Variants in IGF2BP2 observed in about 807,000 individuals in gnomAD.
IGF2BP2 encodes insulin-like growth factor 2 mRNA-binding protein 2.
In IGF2BP2, 17 loss-of-function variants were observed where a neutral mutation model predicts 75.8. The ratio of observed to expected loss-of-function variants is 0.22; its 90% confidence interval spans 0.15 to 0.34. The LOEUF is 0.34. Ranked by LOEUF, IGF2BP2 falls within the 10% of genes least tolerant of loss-of-function variation. The pLI is 1.00. For synonymous variants in IGF2BP2, 288 were observed against 295.6 expected, an observed-to-expected ratio of 0.97 and a Z score of 0.26; for missense variants, 516 against 772.4, an observed-to-expected ratio of 0.67 and a Z score of 3.93.
At chr3:185,797,897 TAAA>T (rs35850351) in intron 2 of IGF2BP2, among the ~76,000 whole-genome samples, 14 of 90,332 alleles carry the variant, frequency 1.5e-4, no homozygotes, top group African/African-American at 1.9e-4. Context: ...CCCTGTCTCT[TAAA>T]AAAAAAAAAA....
chr3:185,754,941 A>G (rs1363981955), intron 2 of IGF2BP2, among the ~76,000 whole-genome samples: 1 of 152,184 alleles, frequency 6.6e-6, no homozygotes, highest in Non-Finnish European at 1.5e-5. Context: ...TTTAAAAGGG[A>G]AGCACAGTAT....
At chr3:185,650,375 G>A (rs113540819) in intron 13 of IGF2BP2, among the ~76,000 whole-genome samples, 2 of 151,012 alleles carry the variant, frequency 1.3e-5, no homozygotes, top group East Asian at 1.9e-4. Context: ...GAGAGTCACC[G>A]TTTTAAAGTA....
chr3:185,752,967 T>A (rs1172439684), intron 2 of IGF2BP2, among the ~76,000 whole-genome samples: 5 of 152,206 alleles, frequency 3.3e-5, no homozygotes, highest in African/African-American at 1.2e-4. Flanking sequence ...TATGTTTTCA[T>A]TCACAACAGA....
At chr3:185,702,381 C>T (rs967584916) in intron 2 of IGF2BP2, among the ~76,000 whole-genome samples, 1 of 152,100 alleles carries the variant, frequency 6.6e-6, no homozygotes, top group Non-Finnish European at 1.5e-5. Flanking sequence ...GTATCTGGCT[C>T]AGTCTCAAAT....
intron 4 of IGF2BP2, chr3:185,693,134 G>A (rs1722171776): frequency 5.9e-6 from 1 of 169,912 alleles, no homozygotes; most frequent in Non-Finnish European, 1.3e-5. Context: ...TAAGTAGGCT[G>A]TTCCCACTAT....
rs918348936 is a variant in IGF2BP2 at position 185,647,843 on chromosome 3, T to A, written c.1594-705A>T. Among the ~76,000 whole-genome samples, 4 of 152,234 alleles carry A rather than the reference T, an allele frequency of 2.6e-5. No homozygotes were observed. The highest frequency in any genetic ancestry group is 9.6e-5 in the African/African-American group (4 of 41,460). ...CCCGTCCTCTGGCCCTCTGGCCTGA[T>A]GCCGAGCTCACAGGCGGGTTCAGCA... On this transcript the variant is annotated intron_variant, in intron 14 of 15. Transcript: ENST00000382199. The surrounding 1 kb of genome is among the most constrained non-coding windows in gnomAD (Gnocchi z 4.9).
At chr3:185,723,651 G>A (rs1050309661) in intron 2 of IGF2BP2, among the ~76,000 whole-genome samples, 5 of 152,184 alleles carry the variant, frequency 3.3e-5, no homozygotes, top group East Asian at 1.9e-4. Context: ...CTGAACAGGC[G>A]CTGAGAGCTC....
intron 2 of IGF2BP2, among the ~76,000 whole-genome samples, chr3:185,732,869 A>G (rs1728373877): frequency 6.6e-6 from 1 of 152,176 alleles, no homozygotes; most frequent in Non-Finnish European, 1.5e-5. Flanking sequence ...CACAGATAAT[A>G]CCATGTGTAT....
At chr3:185,724,463 T>C (rs1578108955) in intron 2 of IGF2BP2, 2 of 152,374 alleles carry the variant, frequency 1.3e-5, no homozygotes, top group Admixed American at 1.3e-4. Flanking sequence ...GGAGACGATA[T>C]AGCCCAGAAG....
At chr3:185,648,463 C>CAAA (rs560603469) in intron 14 of IGF2BP2, among the ~76,000 whole-genome samples, 1 of 51,346 alleles carries the variant, frequency 1.9e-5, no homozygotes, top group Non-Finnish European at 4.1e-5. Flanking sequence ...AACTCTGTCT[C>CAAA]AAAAAAAAAA....
chr3:185,733,364 A>G (rs1363716872), intron 2 of IGF2BP2, among the ~76,000 whole-genome samples: 1 of 152,230 alleles, frequency 6.6e-6, no homozygotes, highest in East Asian at 1.9e-4. Context: ...CCCACTCATC[A>G]TCATTTACTG....
At chr3:185,744,195 T>C (rs1020552807) in intron 2 of IGF2BP2, among the ~76,000 whole-genome samples, 27 of 152,222 alleles carry the variant, frequency 1.8e-4, no homozygotes, top group African/African-American at 6.5e-4. Context: ...ATTTTATTCC[T>C]ACCATAGCCA....
chr3:185,797,897 TA>T (rs35850351), intron 2 of IGF2BP2, among the ~76,000 whole-genome samples: 23,379 of 90,284 alleles, frequency 0.26, 2,515 homozygotes, highest in African/African-American at 0.33. Flanking sequence ...CCCTGTCTCT[TA>T]AAAAAAAAAA....
chr3:185,745,475 A>C (rs762884469), intron 2 of IGF2BP2, among the ~76,000 whole-genome samples: 67 of 152,308 alleles, frequency 4.4e-4, no homozygotes, highest in Non-Finnish European at 3.2e-4. Flanking sequence ...TGGCTGACAC[A>C]GAGCAAGGTG....
At chr3:185,713,503 C>T (rs774109169) in intron 2 of IGF2BP2, 2 of 519,794 alleles carry the variant, frequency 3.8e-6, no homozygotes. Flanking sequence ...GTAAGATAGA[C>T]TCCAAAGGCA....
At chr3:185,710,454 C>T (rs1285671230) in intron 2 of IGF2BP2, among the ~76,000 whole-genome samples, 2 of 152,122 alleles carry the variant, frequency 1.3e-5, no homozygotes, top group Non-Finnish European at 1.5e-5. Context: ...AAAGACTGGC[C>T]AGGAGCGATG....
At chr3:185,787,953 T>C (rs1736119239) in intron 2 of IGF2BP2, among the ~76,000 whole-genome samples, 2 of 152,218 alleles carry the variant, frequency 1.3e-5, no homozygotes, top group African/African-American at 4.8e-5. Context: ...AGCTTCAGAT[T>C]CATTCGTGGC....
intron 2 of IGF2BP2, among the ~76,000 whole-genome samples, chr3:185,786,635 ACT>A (rs1270166953): frequency 2.0e-5 from 3 of 151,748 alleles, no homozygotes; most frequent in African/African-American, 7.3e-5. Context: ...CCCTTCGCTG[ACT>A]CTCTTTTCGG....
At chr3:185,676,048 G>A (rs538696688) in intron 7 of IGF2BP2, 135 bp from the exon 8 acceptor site, 3 of 1,127,540 alleles carry the variant, frequency 2.7e-6, no homozygotes, top group Admixed American at 2.5e-5. Flanking sequence ...TTTGGGAGAG[G>A]TCAGGTCCCT....
Sources: allele counts gnomAD v4.1 joint callset (sites outside exome capture counted in the v4.1 genomes callset), GRCh38; gene constraint gnomAD v4.1.1; non-coding constraint Gnocchi (gnomAD v3.1); transcripts MANE v1.5; gene names NCBI Gene and HGNC (gene_info 2026-07-23, HGNC 2026-07-21).